The following GPC5 variants were observed in gnomAD, a reference collection of about 807,000 sequenced individuals.
The protein encoded by GPC5 is glypican 5.
Under a neutral mutation model 53.9 loss-of-function variants are expected in GPC5, and 47 were observed. The observed-to-expected ratio is 0.87, with a 90% CI of 0.69 to 1.11. GPC5 has a LOEUF of 1.11. GPC5 is among the 50% of genes most tolerant of loss of function. The pLI is 0.00. For synonymous variants in GPC5, 286 were observed against 263.3 expected (o/e 1.09, Z -0.84); for missense variants, 748 against 713.1 (o/e 1.05, Z -0.56).
At chr13:91,440,800 A>G (rs866453153) in intron 1 of GPC5, among the ~76,000 whole-genome samples, 64 of 152,322 alleles carry the variant, frequency 4.2e-4, no homozygotes, top group Middle Eastern at 3.4e-3. Context: ...CAACAACTAT[A>G]ATTTTCATTC....
intron 2 of GPC5, among the ~76,000 whole-genome samples, chr13:91,637,920 C>T (rs542645074): frequency 3.7e-4 from 56 of 152,284 alleles, no homozygotes; most frequent in African/African-American, 1.3e-3. Context: ...CATTGCTTCT[C>T]CTGTGTTCCC....
chr13:92,613,393 A>ATTAT (rs1884527611), intron 7 of GPC5, among the ~76,000 whole-genome samples: 2 of 69,520 alleles, frequency 2.9e-5, no homozygotes, highest in Admixed American at 2.6e-4. Flanking sequence ...TATTATATAT[A>ATTAT]AATATATATT....
At chr13:92,747,474 C>T (rs1399410349) in intron 7 of GPC5, among the ~76,000 whole-genome samples, 2 of 152,130 alleles carry the variant, frequency 1.3e-5, no homozygotes, top group Non-Finnish European at 2.9e-5. Context: ...AAGGAGAGAG[C>T]ATGAGTGAAA....
At chr13:91,473,789 C>T (rs1042070843) in intron 2 of GPC5, among the ~76,000 whole-genome samples, 1 of 152,106 alleles carries the variant, frequency 6.6e-6, no homozygotes, top group African/African-American at 2.4e-5. Context: ...CATCTTTTAG[C>T]AGTGTTAGTT....
intron 2 of GPC5, among the ~76,000 whole-genome samples, chr13:91,603,701 CT>C (rs536509587): frequency 1.1e-4 from 16 of 151,896 alleles, no homozygotes; most frequent in African/African-American, 2.9e-4. Flanking sequence ...GTCATTTACT[CT>C]TTTTTTTCAG....
chr13:92,308,095 AG>A (rs2043122659), intron 7 of GPC5, among the ~76,000 whole-genome samples: 1 of 152,140 alleles, frequency 6.6e-6, no homozygotes. Context: ...GGTGGCTAAA[AG>A]TATGGTTTGT....
chr13:91,969,053 C>T (rs1239396556), intron 6 of GPC5, among the ~76,000 whole-genome samples: 2 of 152,020 alleles, frequency 1.3e-5, no homozygotes, highest in Non-Finnish European at 2.9e-5. Context: ...ACTGCAGCCT[C>T]CGCCTCCCAG....
chr13:91,555,054 T>C (rs1313304622), intron 2 of GPC5, among the ~76,000 whole-genome samples: 2 of 152,130 alleles, frequency 1.3e-5, no homozygotes, highest in African/African-American at 2.4e-5. Context: ...TTAATTTTTT[T>C]CTAATCAAAC....
rs112520958 is a variant in GPC5 at position 92,137,059 on chromosome 13, G to GT, written c.1402-7760dup. Among the ~76,000 whole-genome samples, 425 of 147,054 alleles carry GT rather than the reference G, an allele frequency of 2.9e-3. 2 individuals are homozygous for GT. The highest frequency in any genetic ancestry group is 5.4e-3 in the East Asian group (27 of 5,030). ...GGAAAGGAAGCACGTTCCGAAAGTT[G>GT]TTTTTTTTTTTCATCCTGTCCTCAC... is the stretch of plus-strand genomic sequence containing the variant. On this transcript the variant is annotated intron_variant, in intron 6 of 7. Coordinates refer to ENST00000377067, the MANE Select transcript of GPC5 (RefSeq NM_004466.6).
At chr13:91,980,193 A>T (rs557980874) in intron 6 of GPC5, among the ~76,000 whole-genome samples, 1 of 152,352 alleles carries the variant, frequency 6.6e-6, no homozygotes, top group South Asian at 2.1e-4. Context: ...GTGTGCATTT[A>T]AAAGTATTGC....
intron 6 of GPC5, among the ~76,000 whole-genome samples, chr13:91,919,548 G>A (rs1271509333): frequency 6.6e-6 from 1 of 152,054 alleles, no homozygotes; most frequent in African/African-American, 2.4e-5. Context: ...TGAAAATTTG[G>A]CCACATGTTA....
intron 6 of GPC5, among the ~76,000 whole-genome samples, chr13:92,012,808 C>G (rs1313243614): frequency 6.6e-6 from 1 of 152,200 alleles, no homozygotes; most frequent in Non-Finnish European, 1.5e-5. Flanking sequence ...TGCTGGATTT[C>G]TCTTGGCCCC....
At chr13:91,451,634 C>T in intron 2 of GPC5, among the ~76,000 whole-genome samples, 1 of 151,300 alleles carries the variant, frequency 6.6e-6, no homozygotes. Flanking sequence ...TTTTTTTTCC[C>T]CGAGGTGGAG....
At chr13:91,870,083 C>A (rs2039127505) in intron 5 of GPC5, among the ~76,000 whole-genome samples, 1 of 152,020 alleles carries the variant, frequency 6.6e-6, no homozygotes, top group African/African-American at 2.4e-5. Context: ...TCTTGGAGAC[C>A]CTTAATTGGT....
chr13:92,765,312 A>C (rs573354534), intron 7 of GPC5, among the ~76,000 whole-genome samples: 5 of 152,202 alleles, frequency 3.3e-5, no homozygotes, highest in Admixed American at 6.5e-5. Flanking sequence ...ATCTTTCAAA[A>C]GTCATTAAGC....
intron 7 of GPC5, among the ~76,000 whole-genome samples, chr13:92,643,835 A>G (rs1566338687): frequency 6.7e-6 from 1 of 149,550 alleles, no homozygotes; most frequent in African/African-American, 2.4e-5. Context: ...TATGTAACTA[A>G]CCTGCACAAT....
At chr13:91,790,790 C>G (rs906032532) in intron 5 of GPC5, among the ~76,000 whole-genome samples, 6 of 152,172 alleles carry the variant, frequency 3.9e-5, no homozygotes, top group African/African-American at 1.4e-4. Context: ...TCTTGAAATA[C>G]AAATGTATGT....
At position 92,381,889 on chromosome 13, in the gene GPC5, T is replaced by TCATATATATGA. The variant is rs753025655; in HGVS notation, c.1561+236900_1561+236901insCATATATATGA. On this transcript the variant is annotated intron_variant, in intron 7 of 7. Transcript: ENST00000377067. ...TATATCATATATATGATTATATATA[T>TCATATATATGA]TATATATAATCATATATATGATATA... Among the ~76,000 whole-genome samples, 322 of 122,150 alleles carry TCATATATATGA rather than the reference T, an allele frequency of 2.6e-3. 18 individuals carry two copies. Among genetic ancestry groups the TCATATATATGA allele is most frequent in the Non-Finnish European group, 3.7e-3 (223 of 59,662 alleles). The allele number at this position is 122,150 out of a possible 152,430, so 80.1% of individuals were successfully genotyped here. A position where few individuals can be genotyped will look rare whatever the true frequency, so the allele number is the denominator to read the frequency against.
At chr13:91,529,920 C>T (rs1476948150) in intron 2 of GPC5, among the ~76,000 whole-genome samples, 2 of 151,988 alleles carry the variant, frequency 1.3e-5, no homozygotes, top group Non-Finnish European at 2.9e-5. Flanking sequence ...TGACCTGGGC[C>T]CTTCAGAACT....
Sources: allele counts gnomAD v4.1 joint callset (sites outside exome capture counted in the v4.1 genomes callset), GRCh38; gene constraint gnomAD v4.1.1; transcripts MANE v1.5; gene names NCBI Gene and HGNC (gene_info 2026-07-23, HGNC 2026-07-21).